ACSS1: variants seen among roughly 807,000 people sequenced by gnomAD.
The protein encoded by ACSS1 is acetyl-coenzyme A synthetase 2-like, mitochondrial.
A neutral mutation model predicts 75.3 loss-of-function variants in ACSS1; 42 were observed. The observed-to-expected ratio is 0.56, with a 90% confidence interval of 0.44 to 0.72. The LOEUF (loss-of-function observed/expected upper bound fraction) is 0.72. Among genes scored for constraint, ACSS1 ranks in the 30% least tolerant of loss-of-function variants. The pLI is 0.00. For missense variants in ACSS1, 782 were observed against 935.7 expected (o/e 0.84, Z 2.14); for synonymous variants, 380 against 376.8 (o/e 1.01, Z -0.10).
At chr20:25,021,728 G>T (rs1328537283) in intron 5 of ACSS1, among the ~76,000 whole-genome samples, 192 bp from the exon 6 acceptor site, 4 of 152,160 alleles carry the variant, frequency 2.6e-5, no homozygotes, top group Non-Finnish European at 5.9e-5. Flanking sequence ...TTAACACATG[G>T]ACACCTTTTT....
At chr20:25,011,400 G>A (rs1197787263) in intron 12 of ACSS1, 1 of 152,280 alleles carries the variant, frequency 6.6e-6, no homozygotes, top group Non-Finnish European at 1.5e-5. Flanking sequence ...TCAGCCACTG[G>A]ACTCAGACAT....
At chr20:25,034,952 G>A (rs2088885634) in intron 2 of ACSS1, among the ~76,000 whole-genome samples, 1 of 151,688 alleles carries the variant, frequency 6.6e-6, no homozygotes, top group African/African-American at 2.4e-5. Context: ...GAGTGCAGTG[G>A]CGCGATCTCC....
chr20:25,013,597 C>A lies in ACSS1; in HGVS notation c.1518G>T (p.Met506Ile), dbSNP rs2088458383. The change falls in exon 10 of 14, where the codon ATG becomes ATT. Residue 506 changes from methionine (M) to isoleucine (I), a missense_variant. By Grantham distance (10) the Met-to-Ile change is conservative. Around this residue, in one of 2 missense-constraint regions of ACSS1, gnomAD observed 405 missense variants for 552.6 expected, o/e 0.73. Coordinates refer to ENST00000323482, the MANE Select transcript of ACSS1 (RefSeq NM_032501.4). ...ALCISQAWPG[M>I]ARTIYGDHQR... ...GGTGGTCGCCATAGATGGTCCTGGC[C>A]ATGCCCGGCCAGGCCTGGGAGATGC... is the stretch of plus-strand genomic sequence containing the variant. The A allele has an allele frequency of 6.2e-7, 1 of 1,610,680 alleles. No homozygotes were observed. The highest frequency in any genetic ancestry group is 2.2e-5 in the East Asian group (1 of 44,690).
rs1448368497 is a variant in ACSS1 at position 25,007,632 on chromosome 20, G to A, written c.*130C>T. The A allele has an allele frequency of 2.6e-6, 4 of 1,513,518 alleles. No individual in the cohort carries two copies. The highest frequency in any genetic ancestry group is 1.4e-5 in the African/African-American group (1 of 72,064). The allele number at this position is 1,513,518 out of a possible 1,614,324, so 93.8% of individuals were successfully genotyped here. A position where few individuals can be genotyped will look rare whatever the true frequency, so the allele number is the denominator to read the frequency against. On this transcript the variant is annotated 3_prime_UTR_variant, in exon 14 of 14. Transcript: ENST00000323482. Reference sequence around the variant, plus strand: ...CTCAGCCCAGCTTCACGTGAGGGCGGTGTGGGTCATGTGTGGGGTGGGGGC... The same window carrying A: ...CTCAGCCCAGCTTCACGTGAGGGCGATGTGGGTCATGTGTGGGGTGGGGGC...
At chr20:25,015,441 G>A (rs1422515534) in intron 7 of ACSS1, among the ~76,000 whole-genome samples, 3 of 152,028 alleles carry the variant, frequency 2.0e-5, no homozygotes, top group African/African-American at 4.8e-5. Context: ...TATTACAGGC[G>A]CCTGCCACCA....
chr20:25,031,286 A>T (rs761281194), intron 2 of ACSS1: 2 of 396,196 alleles, frequency 5.0e-6, no homozygotes, highest in Non-Finnish European at 9.4e-6. Context: ...TTCCATCTTA[A>T]AACTAGCAAG....
intron 9 of ACSS1, 148 bp downstream of exon 9, chr20:25,013,813 G>C: frequency 7.5e-7 from 1 of 1,327,326 alleles, no homozygotes; most frequent in East Asian, 2.5e-5. Context: ...CCACTACCCA[G>C]TGCATGATAC....
chr20:25,021,374 G>T lies in ACSS1; in HGVS notation c.1108+15C>A, dbSNP rs754264755. ...ACACCAGCATGGGGTCCCAAACAGG[G>T]TTCACCATCCTTACCAGCATTGGGA... is the stretch of plus-strand genomic sequence containing the variant. On this transcript the variant is annotated intron_variant, in intron 6 of 13. Transcript: ENST00000323482. The T allele has an allele frequency of 1.9e-6, 3 of 1,612,940 alleles. No individual in the cohort carries two copies. Among genetic ancestry groups the T allele is most frequent in the Non-Finnish European group, 2.5e-6 (3 of 1,179,342 alleles).
intron 6 of ACSS1, among the ~76,000 whole-genome samples, chr20:25,020,528 T>A (rs994005769): frequency 6.6e-6 from 1 of 152,238 alleles, no homozygotes; most frequent in Admixed American, 6.5e-5. Context: ...CTTCCCCTGG[T>A]GACAGTACAG....
intron 12 of ACSS1, chr20:25,011,678 A>G (rs1471112399): frequency 1.3e-5 from 2 of 152,238 alleles, no homozygotes; most frequent in Admixed American, 1.3e-4. Context: ...TAGCCTTTCC[A>G]TGGCAACTGA....
At chr20:25,043,706 G>A (rs568554000) in intron 2 of ACSS1, among the ~76,000 whole-genome samples, 16 of 152,198 alleles carry the variant, frequency 1.1e-4, no homozygotes, top group African/African-American at 2.4e-4. Flanking sequence ...GAGTTTCCAC[G>A]GGGGAACAGC....
At chr20:25,046,846 G>A (rs2122745827) in intron 2 of ACSS1, 1 of 779,776 alleles carries the variant, frequency 1.3e-6, no homozygotes, top group Non-Finnish European at 2.4e-6. Context: ...GCTGGCCTAT[G>A]GGCCACACGG....
At chr20:25,032,136 C>A (rs897200157) in intron 2 of ACSS1, among the ~76,000 whole-genome samples, 1 of 152,174 alleles carries the variant, frequency 6.6e-6, no homozygotes, top group South Asian at 2.1e-4. Context: ...TGAGCAGCAC[C>A]CCCGCCCAGC....
In ACSS1 at chr20:25,020,131, TG is replaced by T. The variant is rs764613034; in HGVS notation, c.1124del (p.Thr375LysfsTer2). On this transcript the variant is annotated frameshift_variant, in exon 7 of 14. Coordinates refer to ENST00000323482, the MANE Select transcript of ACSS1 (RefSeq NM_032501.4). LOFTEE classifies it high-confidence loss of function. ...ACTGATTGATCTTCAACCTCTCTAC[TG>T]TCTCCCAGTACCGACCTACAGAAAG... ...VYPNAGRYWE[T>X]VERLKINQFY... The T allele has an allele frequency of 6.2e-7, 1 of 1,614,230 alleles. No homozygotes were observed. The highest frequency in any genetic ancestry group is 1.1e-5 in the South Asian group (1 of 91,090).
At chr20:25,032,749 A>G in intron 2 of ACSS1, 1 of 1,057,588 alleles carries the variant, frequency 9.5e-7, no homozygotes. Context: ...GGGAAACCAC[A>G]GCAGAATGAA....
At chr20:25,057,364 C>A (rs1188392404) in intron 1 of ACSS1, among the ~76,000 whole-genome samples, 2 of 152,234 alleles carry the variant, frequency 1.3e-5, no homozygotes, top group African/African-American at 4.8e-5. Flanking sequence ...CCCTCCACCC[C>A]GGTATGGGAA....
intron 2 of ACSS1, among the ~76,000 whole-genome samples, chr20:25,040,325 G>T (rs948996582): frequency 6.6e-6 from 1 of 152,200 alleles, no homozygotes; most frequent in African/African-American, 2.4e-5. Context: ...GACGCAGGTT[G>T]GGGGTCCTTC....
chr20:25,044,530 T>G (rs1189661757), intron 2 of ACSS1, among the ~76,000 whole-genome samples: 1 of 152,144 alleles, frequency 6.6e-6, no homozygotes, highest in East Asian at 1.9e-4. Context: ...GGAGAATCAC[T>G]TGAGCCCGGG....
chr20:25,030,655 C>T (rs2088805568), intron 3 of ACSS1, 104 bp downstream of exon 3: 1 of 1,297,822 alleles, frequency 7.7e-7, no homozygotes. Context: ...GTCTGTGTGA[C>T]ATTAATGTCT....
Sources: allele counts gnomAD v4.1 joint callset (sites outside exome capture counted in the v4.1 genomes callset), GRCh38; gene constraint gnomAD v4.1.1; regional missense constraint gnomAD v4.1.1; transcripts MANE v1.5; gene names NCBI Gene and HGNC (gene_info 2026-07-23, HGNC 2026-07-21).